The following ARHGAP15 variants were observed in gnomAD, a reference collection of about 807,000 sequenced individuals.
ARHGAP15 encodes the protein rho GTPase-activating protein 15.
Under a neutral mutation model 63.7 loss-of-function variants are expected in ARHGAP15, and 51 were observed. That is an observed-to-expected ratio of 0.80 (90% CI 0.64 to 1.01). The LOEUF is 1.01. Among genes scored for constraint, ARHGAP15 ranks in the 50% least tolerant of loss-of-function variants. The probability of loss-of-function intolerance (pLI) is 0.00; values close to 1 mark genes in which losing one functional copy is unlikely to be tolerated. For missense variants in ARHGAP15, 560 were observed against 564.6 expected (o/e 0.99, Z 0.08); for synonymous variants, 191 against 193.8 (o/e 0.99, Z 0.12).
intron 13 of ARHGAP15, among the ~76,000 whole-genome samples, chr2:143,718,822 T>C (rs1233793861): frequency 6.6e-6 from 1 of 152,194 alleles, no homozygotes; most frequent in Non-Finnish European, 1.5e-5. Flanking sequence ...TACTGTGTGG[T>C]AGATGCTGAG....
intron 2 of ARHGAP15, among the ~76,000 whole-genome samples, chr2:143,199,292 G>A (rs1461218413): frequency 6.6e-6 from 1 of 152,070 alleles, no homozygotes; most frequent in African/African-American, 2.4e-5. Context: ...TTAAGGTAAT[G>A]CTAGCAGCTG....
At chr2:143,682,855 G>A (rs1683167108) in intron 12 of ARHGAP15, 2 of 152,092 alleles carry the variant, frequency 1.3e-5, no homozygotes. Flanking sequence ...TTTCGCAGGA[G>A]TTCTCTGTTA....
At chr2:143,740,759 C>T (rs1685932280) in intron 13 of ARHGAP15, among the ~76,000 whole-genome samples, 1 of 152,054 alleles carries the variant, frequency 6.6e-6, no homozygotes, top group Non-Finnish European at 1.5e-5. Flanking sequence ...CCTTAAAAGA[C>T]AATGAAATTC....
intron 2 of ARHGAP15, among the ~76,000 whole-genome samples, chr2:143,165,830 A>T (rs1406398299): frequency 1.3e-5 from 2 of 151,980 alleles, no homozygotes; most frequent in African/African-American, 4.8e-5. Flanking sequence ...TTTTACCATG[A>T]ATTATTGACA....
chr2:143,456,897 G>A (rs550705043), intron 8 of ARHGAP15, among the ~76,000 whole-genome samples: 1 of 151,908 alleles, frequency 6.6e-6, no homozygotes, highest in South Asian at 2.1e-4. Context: ...TAAATTTTAA[G>A]GGGCATATTG....
At chr2:143,745,157 C>A (rs1686113742) in intron 13 of ARHGAP15, among the ~76,000 whole-genome samples, 1 of 152,218 alleles carries the variant, frequency 6.6e-6, no homozygotes, top group Non-Finnish European at 1.5e-5. Context: ...TCGCAGATTC[C>A]TTCTCATCCA....
chr2:143,484,401 A>C (rs756022972), intron 8 of ARHGAP15, among the ~76,000 whole-genome samples: 1 of 150,882 alleles, frequency 6.6e-6, no homozygotes, highest in Non-Finnish European at 1.5e-5. Context: ...GCTTAGTGGC[A>C]CATGCCTGTA....
chr2:143,195,919 C>T (rs998706544), intron 2 of ARHGAP15, among the ~76,000 whole-genome samples: 2 of 152,022 alleles, frequency 1.3e-5, no homozygotes, highest in African/African-American at 4.8e-5. Flanking sequence ...GTTATTTTTA[C>T]AGTATGTAAT....
At chr2:143,337,547 C>G (rs1684861532) in intron 6 of ARHGAP15, among the ~76,000 whole-genome samples, 2 of 152,188 alleles carry the variant, frequency 1.3e-5, no homozygotes, top group African/African-American at 4.8e-5. Flanking sequence ...AGTCATTACT[C>G]TGAAGGTCTC....
At chr2:143,709,603 A>G (rs7560928) in intron 13 of ARHGAP15, among the ~76,000 whole-genome samples, 134,086 of 152,098 alleles carry the variant, frequency 0.88, 61,261 homozygotes, top group East Asian at 1. Flanking sequence ...TGAATGCCTC[A>G]TTGAAAGTAG....
intron 11 of ARHGAP15, among the ~76,000 whole-genome samples, chr2:143,574,439 G>C (rs1320015847): frequency 2.0e-5 from 3 of 151,268 alleles, no homozygotes; most frequent in African/African-American, 7.3e-5. Flanking sequence ...CAGTCTTTAG[G>C]ATTTATTTCA....
chr2:143,573,403 A>C (rs1027359526), intron 11 of ARHGAP15, among the ~76,000 whole-genome samples: 1 of 152,200 alleles, frequency 6.6e-6, no homozygotes, highest in Non-Finnish European at 1.5e-5. Context: ...CAAAAATAAC[A>C]TGTAAACTAC....
At chr2:143,468,637 A>T (rs1172560101) in intron 8 of ARHGAP15, among the ~76,000 whole-genome samples, 1 of 17,536 alleles carries the variant, frequency 5.7e-5, no homozygotes, top group African/African-American at 8.9e-5. Flanking sequence ...TCTTTGTGAG[A>T]GAGAGAGAGA....
chr2:143,336,342 A>G (rs942218735), intron 6 of ARHGAP15, among the ~76,000 whole-genome samples: 3 of 152,130 alleles, frequency 2.0e-5, no homozygotes, highest in African/African-American at 7.2e-5. Flanking sequence ...ACAGCCAGAG[A>G]TGAATACTGA....
At chr2:143,728,682 G>A (rs1031906056) in intron 13 of ARHGAP15, among the ~76,000 whole-genome samples, 2 of 152,108 alleles carry the variant, frequency 1.3e-5, no homozygotes, top group African/African-American at 4.8e-5. Context: ...TTGCTAGACT[G>A]GAAGGAAGCA....
At chr2:143,593,014 A>G (rs777440513) in intron 11 of ARHGAP15, among the ~76,000 whole-genome samples, 2 of 152,194 alleles carry the variant, frequency 1.3e-5, no homozygotes, top group South Asian at 2.1e-4. Flanking sequence ...TTTAGGTAGC[A>G]TAGGAGAGCC....
Position 143,457,027 on chromosome 2 carries a change from G to A in ARHGAP15, c.703+19985G>A, listed in dbSNP as rs557411277. On this transcript the variant is annotated intron_variant, in intron 8 of 13. Coordinates refer to ENST00000295095, the MANE Select transcript of ARHGAP15 (RefSeq NM_018460.4). ...AGTTAAAAAGTAAAAACAAAATCTC[G>A]AATCGTAACTTGATTTTTACAATTA... Among the ~76,000 whole-genome samples, 222 of 151,940 alleles carry A rather than the reference G, an allele frequency of 1.5e-3. 1 individual carries two copies. Among genetic ancestry groups the A allele is most frequent in the Non-Finnish European group, 2.2e-3 (152 of 67,944 alleles).
At chr2:143,145,146 G>T (rs533563903) in intron 1 of ARHGAP15, among the ~76,000 whole-genome samples, 26 of 151,946 alleles carry the variant, frequency 1.7e-4, no homozygotes, top group Non-Finnish European at 1.5e-4. Context: ...ATCTGGAACT[G>T]GTTATTTCTG....
intron 13 of ARHGAP15, among the ~76,000 whole-genome samples, chr2:143,724,051 A>G (rs200396151): frequency 0.024 from 3,592 of 149,960 alleles, 60 homozygotes; most frequent in Middle Eastern, 0.048. Flanking sequence ...ATCCACCTTC[A>G]TGTGTGTGTG....
Sources: allele counts gnomAD v4.1 joint callset (sites outside exome capture counted in the v4.1 genomes callset), GRCh38; gene constraint gnomAD v4.1.1; transcripts MANE v1.5; gene names NCBI Gene and HGNC (gene_info 2026-07-23, HGNC 2026-07-21).